The following RRBP1 variants were observed in gnomAD, a reference collection of about 807,000 sequenced individuals.
RRBP1 encodes ribosome-binding protein 1.
In RRBP1, 94 loss-of-function variants were observed where a neutral mutation model predicts 165.2. The observed-to-expected ratio is 0.57, with a 90% CI of 0.48 to 0.68. The LOEUF is 0.68. Ranked by LOEUF, RRBP1 falls within the 30% of genes least tolerant of loss-of-function variation. The pLI is 0.00. For missense variants in RRBP1, 1,676 were observed against 1,763.0 expected (o/e 0.95, Z 0.88); for synonymous variants, 680 against 714.5 (o/e 0.95, Z 0.77).
Position 17,643,013 on chromosome 20 carries a change from T to C in RRBP1, c.2027A>G (p.Glu676Gly). 1 of 1,614,030 alleles carries C rather than the reference T, an allele frequency of 6.2e-7. No homozygotes were observed. The highest frequency in any genetic ancestry group is 1.1e-5 in the South Asian group (1 of 91,064). Residue 676 changes from glutamate (E) to glycine (G), a missense_variant, in exon 4 of 25, where the codon GAG (glutamate) becomes GGG (glycine). Coordinates refer to ENST00000377813, the MANE Select transcript of RRBP1 (RefSeq NM_001365613.2). This position sits in a 1 kb window ranked among gnomAD's most constrained non-coding sequence, Gnocchi z 4.3. ...EAQRLIEILS[E>G]KAGIIQDTWH... ...GGTGTCCTGAATGATGCCAGCCTTC[T>C]CAGACAGGATCTCGATGAGCCGCTG... is the stretch of plus-strand genomic sequence containing the variant.
At chr20:17,661,984 C>T (rs1303309020) in intron 2 of RRBP1, among the ~76,000 whole-genome samples, 2 of 152,242 alleles carry the variant, frequency 1.3e-5, no homozygotes, top group South Asian at 2.1e-4. Flanking sequence ...CACTCTCGGC[C>T]GGGCGCGGTG....
At chr20:17,615,282 A>C in intron 23 of RRBP1, 149 bp downstream of exon 23, 1 of 625,796 alleles carries the variant, frequency 1.6e-6, no homozygotes, top group South Asian at 2.1e-5. Context: ...TCCCCACCCC[A>C]GCCCCGGGTA....
intron 5 of RRBP1, among the ~76,000 whole-genome samples, chr20:17,640,105 C>T (rs1178684673): frequency 6.6e-6 from 1 of 152,212 alleles, no homozygotes; most frequent in Non-Finnish European, 1.5e-5. Context: ...GCCACTTGAT[C>T]ACTGGCGGCC....
At chr20:17,632,837 C>G (rs1473943304) in intron 8 of RRBP1, among the ~76,000 whole-genome samples, 1 of 152,152 alleles carries the variant, frequency 6.6e-6, no homozygotes, top group Non-Finnish European at 1.5e-5. Flanking sequence ...CTGCCCGTGT[C>G]CCCCTGGGGA....
intron 21 of RRBP1, 39 bp downstream of exon 21, chr20:17,616,693 G>C: frequency 7.2e-7 from 1 of 1,390,930 alleles, no homozygotes; most frequent in South Asian, 1.2e-5. Context: ...ACTCTTCTGG[G>C]ATTAGTGATG....
At chr20:17,615,812 C>T in intron 22 of RRBP1, 114 bp downstream of exon 22, 1 of 952,708 alleles carries the variant, frequency 1.0e-6, no homozygotes, top group Middle Eastern at 3.0e-4. Flanking sequence ...AGGCCCAGGC[C>T]CAGCCCAGGT....
intron 2 of RRBP1, among the ~76,000 whole-genome samples, chr20:17,671,822 C>T (rs765537586): frequency 6.6e-6 from 1 of 152,190 alleles, no homozygotes. Context: ...CCATTCTAGG[C>T]TTGTCAGAAG....
chr20:17,618,094 C>T (rs1037823376), intron 20 of RRBP1, among the ~76,000 whole-genome samples: 5 of 152,202 alleles, frequency 3.3e-5, no homozygotes, highest in African/African-American at 7.2e-5. Flanking sequence ...TGGGGCCGGG[C>T]GTGGAGCAGG....
At chr20:17,649,571 T>C (rs991345609) in intron 3 of RRBP1, among the ~76,000 whole-genome samples, 1 of 16,240 alleles carries the variant, frequency 6.2e-5, no homozygotes, top group Non-Finnish European at 9.4e-5. Flanking sequence ...AGGCTACACA[T>C]GGGGAGGACA....
In RRBP1 at chr20:17,635,661, G is replaced by A; in HGVS notation, c.2341C>T (p.Arg781Trp). Residue 781 changes from arginine (R) to tryptophan (W), a missense_variant, in exon 7 of 25, where the codon CGG becomes TGG. By Grantham distance (101) the Arg-to-Trp change is moderately radical. Around this residue, in one of 5 missense-constraint regions of RRBP1, gnomAD observed 1,184 missense variants for 1,167.1 expected, o/e 1.01. Transcript: ENST00000377813. ...TTCTCCAGCTGCTCCTGAAGAGTCC[G>A]GATCTGGAAAGTCACGGGCAAGGGC... Reference protein sequence around the residue: ...KEVQQLQGKIRTLQEQLENGP... With the variant: ...KEVQQLQGKIWTLQEQLENGP... 5.0e-6 allele frequency: 8 copies of A among 1,612,756 alleles called. No individual in the cohort carries two copies. Among genetic ancestry groups the A allele is most frequent in the Admixed American group, 1.7e-5 (1 of 59,964 alleles).
At chr20:17,655,198 T>G (rs2036625541) in intron 3 of RRBP1, among the ~76,000 whole-genome samples, 1 of 152,188 alleles carries the variant, frequency 6.6e-6, no homozygotes, top group Non-Finnish European at 1.5e-5. Flanking sequence ...TTTTTTTCTT[T>G]CTTTTTAACA....
rs2035913615 is a variant in RRBP1 at position 17,621,548 on chromosome 20, CT to C, written c.3325-2del. The stretch of plus-strand genomic sequence containing the variant: ...CCTCCCTCAACTTGGAGGCCAGGTC[CT>C]GAGAGAGGGAAGAACAGGTGTTTAG... On this transcript the variant is annotated splice_acceptor_variant, in intron 15 of 24. Transcript: ENST00000377813. LOFTEE classifies it high-confidence loss of function. The C allele has an allele frequency of 6.2e-7, 1 of 1,611,850 alleles. No individual in the cohort carries two copies. The highest frequency in any genetic ancestry group is 8.5e-7 in the Non-Finnish European group (1 of 1,179,214).
At chr20:17,657,287 A>G (rs1025300019) in intron 3 of RRBP1, among the ~76,000 whole-genome samples, 4 of 152,228 alleles carry the variant, frequency 2.6e-5, no homozygotes, top group African/African-American at 9.6e-5. Context: ...CTGGCTTCCC[A>G]CAGGAGCCTA....
intron 3 of RRBP1, among the ~76,000 whole-genome samples, chr20:17,649,307 G>C (rs925817270): frequency 6.6e-6 from 1 of 152,192 alleles, no homozygotes; most frequent in Non-Finnish European, 1.5e-5. Flanking sequence ...CGGGCAGGGC[G>C]GGGGCCTCGG....
chr20:17,657,679 C>T (rs992155184), intron 3 of RRBP1, among the ~76,000 whole-genome samples: 1 of 152,134 alleles, frequency 6.6e-6, no homozygotes, highest in Non-Finnish European at 1.5e-5. Context: ...GAATGACAAA[C>T]ATGAAACAGG....
chr20:17,677,077 A>G (rs890935517), intron 2 of RRBP1, among the ~76,000 whole-genome samples: 14 of 152,136 alleles, frequency 9.2e-5, no homozygotes, highest in Admixed American at 5.2e-4. Flanking sequence ...TGAAAAAAAA[A>G]AAAAAAATTC....
chr20:17,628,655 C>T (rs756022869), intron 9 of RRBP1, among the ~76,000 whole-genome samples: 11 of 152,258 alleles, frequency 7.2e-5, no homozygotes, highest in Non-Finnish European at 1.3e-4. Context: ...TCCTTCCAGC[C>T]ACACTTGTTA....
intron 9 of RRBP1, 119 bp downstream of exon 9, chr20:17,629,704 G>A (rs1055496690): frequency 9.1e-5 from 98 of 1,072,246 alleles, no homozygotes; most frequent in Middle Eastern, 3.1e-4. Flanking sequence ...CAAGGGATCC[G>A]TGCTGCCCTC....
chr20:17,655,047 G>C (rs2036623538), intron 3 of RRBP1, among the ~76,000 whole-genome samples: 1 of 152,182 alleles, frequency 6.6e-6, no homozygotes, highest in Non-Finnish European at 1.5e-5. Context: ...GGTTTTAATA[G>C]GAAATTCTTT....
Sources: gnomAD v4.1 joint callset for allele counts (sites outside exome capture counted in the v4.1 genomes callset) on GRCh38, gnomAD v4.1.1 for gene constraint, gnomAD v4.1.1 regional missense constraint, Gnocchi (gnomAD v3.1) non-coding constraint, MANE v1.5 for transcripts, NCBI Gene and HGNC (gene_info 2026-07-23, HGNC 2026-07-21) for gene names.